The following PALD1 variants were observed in gnomAD, a reference collection of about 807,000 sequenced individuals.
PALD1 encodes the protein phosphatase domain containing paladin 1.
In PALD1, 57 loss-of-function variants were observed where a neutral mutation model predicts 96.0. The ratio of observed to expected loss-of-function variants is 0.59; its 90% CI spans 0.48 to 0.74. The LOEUF (loss-of-function observed/expected upper bound fraction) is 0.74. Ranked by LOEUF, PALD1 falls within the 30% of genes least tolerant of loss-of-function variation. The pLI, the probability that PALD1 is intolerant of heterozygous loss-of-function variation, is 0.00. For missense variants in PALD1, 1,063 were observed against 1,143.7 expected, an observed-to-expected ratio of 0.93 and a Z score of 1.02; for synonymous variants, 464 against 473.6, an observed-to-expected ratio of 0.98 and a Z score of 0.26.
intron 18 of PALD1, among the ~76,000 whole-genome samples, chr10:70,548,694 C>T (rs571745688): frequency 2.6e-5 from 4 of 152,234 alleles, no homozygotes; most frequent in Non-Finnish European, 5.9e-5. Flanking sequence ...TTGCCTGTGG[C>T]CCCTGCAGAG....
the PALD1 span, among the ~76,000 whole-genome samples, chr10:70,460,387 G>A: frequency 1.3e-5 from 2 of 152,098 alleles, no homozygotes; most frequent in South Asian, 2.1e-4. Flanking sequence ...CCTACCGTGC[G>A]TCTCCCGTGG....
intron 1 of PALD1, among the ~76,000 whole-genome samples, chr10:70,493,695 C>G (rs914104249): frequency 6.6e-6 from 1 of 152,186 alleles, no homozygotes; most frequent in African/African-American, 2.4e-5. Context: ...CGTGGTTTCT[C>G]TCTTTCTCTT....
intron 19 of PALD1, 35 bp from the exon 20 acceptor site, chr10:70,566,546 C>T (rs757514807): frequency 6.4e-7 from 1 of 1,565,624 alleles, no homozygotes; most frequent in South Asian, 1.2e-5. Context: ...CCTCCCTCCC[C>T]TGAAACACTG....
At chr10:70,559,496 T>G (rs935872645) in intron 18 of PALD1, among the ~76,000 whole-genome samples, 1 of 151,990 alleles carries the variant, frequency 6.6e-6, no homozygotes, top group Non-Finnish European at 1.5e-5. Flanking sequence ...GGTGCTGTGT[T>G]GAGAATAGAC....
intron 1 of PALD1, among the ~76,000 whole-genome samples, chr10:70,480,486 G>A (rs1845911557): frequency 6.6e-6 from 1 of 152,222 alleles, no homozygotes; most frequent in South Asian, 2.1e-4. Flanking sequence ...TTCCTGGCCA[G>A]TGTTGGGGGT....
intron 17 of PALD1, among the ~76,000 whole-genome samples, chr10:70,547,066 A>G (rs2151962): frequency 0.42 from 63,578 of 152,122 alleles, 15,441 homozygotes; most frequent in East Asian, 0.65. Context: ...CTGATCCTCA[A>G]CACAACCAAT....
chr10:70,534,696 A>T, intron 9 of PALD1, 43 bp from the exon 10 acceptor site: 1 of 797,892 alleles, frequency 1.3e-6, no homozygotes, highest in Non-Finnish European at 2.0e-6. Context: ...CCTGCTCCCC[A>T]CCCCCCCACC....
chr10:70,468,151 C>A, the PALD1 span, among the ~76,000 whole-genome samples: 256 of 152,260 alleles, frequency 1.7e-3, 1 homozygote, highest in African/African-American at 5.9e-3. Context: ...GGGACTTGAT[C>A]TGTTGTGATG....
At chr10:70,534,590 T>G (rs1847070322) in intron 9 of PALD1, 66 bp downstream of exon 9, 5 of 1,262,028 alleles carry the variant, frequency 4.0e-6, no homozygotes, top group South Asian at 3.8e-5. Context: ...CTCTCACTGG[T>G]CGGGGCTCTC....
At chr10:70,468,917 G>A in the PALD1 span, among the ~76,000 whole-genome samples, 1 of 152,166 alleles carries the variant, frequency 6.6e-6, no homozygotes, top group Non-Finnish European at 1.5e-5. Flanking sequence ...CAGCTGGTAA[G>A]GGACAGAGCT....
At chr10:70,527,020 A>G (rs1846882813) in intron 2 of PALD1, among the ~76,000 whole-genome samples, 2 of 152,130 alleles carry the variant, frequency 1.3e-5, no homozygotes, top group South Asian at 4.1e-4. Context: ...CATCATAATC[A>G]ATTCTTGGGC....
At chr10:70,554,802 A>C (rs1417731052) in intron 18 of PALD1, among the ~76,000 whole-genome samples, 1 of 151,526 alleles carries the variant, frequency 6.6e-6, no homozygotes, top group East Asian at 1.9e-4. Context: ...AGCTGAGGTG[A>C]AGGGAGCCAC....
chr10:70,523,589 T>G (rs1052223711), intron 1 of PALD1, among the ~76,000 whole-genome samples: 1 of 152,080 alleles, frequency 6.6e-6, no homozygotes, highest in Non-Finnish European at 1.5e-5. Flanking sequence ...TTTTTCTGTT[T>G]GGGAACATAG....
the PALD1 span, among the ~76,000 whole-genome samples, chr10:70,466,573 T>C: frequency 6.6e-6 from 1 of 152,174 alleles, no homozygotes; most frequent in Admixed American, 6.5e-5. Flanking sequence ...AACACTACAG[T>C]GGCATTAAGT....
intron 1 of PALD1, among the ~76,000 whole-genome samples, chr10:70,488,393 T>A (rs1846046482): frequency 6.6e-6 from 1 of 152,122 alleles, no homozygotes; most frequent in Admixed American, 6.5e-5. Context: ...AGTGCTGGGA[T>A]TACAGGCGTA....
intron 1 of PALD1, among the ~76,000 whole-genome samples, chr10:70,504,334 C>T (rs994961228): frequency 6.6e-6 from 1 of 152,198 alleles, no homozygotes; most frequent in Admixed American, 6.5e-5. Context: ...CGAGATCAGC[C>T]TGGCCAACAT....
intron 1 of PALD1, among the ~76,000 whole-genome samples, chr10:70,489,702 C>G (rs916138732): frequency 2.0e-5 from 3 of 152,146 alleles, no homozygotes; most frequent in Non-Finnish European, 4.4e-5. Flanking sequence ...CTGTACAATT[C>G]ACTCATTTAG....
Position 70,547,462 on chromosome 10 carries a change from AC to A in PALD1, c.2262+20del. On this transcript the variant is annotated intron_variant, in intron 18 of 19. Transcript: ENST00000263563. ...CTACCGCCAGGTGAGCCCCCACCCC[AC>A]CCCACCCCACCCTGCCCCAGCCACC... 1.0e-5 allele frequency: 8 copies of A among 777,632 alleles called. No homozygotes were observed. The highest frequency in any genetic ancestry group is 1.3e-5 in the Non-Finnish European group (7 of 554,800). The allele number at this position is 777,632 out of a possible 1,614,324, so 48.2% of individuals were successfully genotyped here.
intron 17 of PALD1, among the ~76,000 whole-genome samples, chr10:70,543,801 G>T (rs1305828440): frequency 6.6e-6 from 1 of 152,150 alleles, no homozygotes; most frequent in African/African-American, 2.4e-5. Flanking sequence ...GGAGCTGTGT[G>T]TACTCCCTCT....
Sources: allele counts gnomAD v4.1 joint callset (sites outside exome capture counted in the v4.1 genomes callset), GRCh38; gene constraint gnomAD v4.1.1; transcripts MANE v1.5; gene names NCBI Gene and HGNC (gene_info 2026-07-23, HGNC 2026-07-21).